MYL4: variants seen among roughly 807,000 people sequenced by gnomAD.
MYL4 encodes myosin light chain 4.
A neutral mutation model predicts 21.6 loss-of-function variants in MYL4; 16 were observed. The observed-to-expected ratio is 0.74, with a 90% confidence interval of 0.50 to 1.12. The LOEUF (loss-of-function observed/expected upper bound fraction) is 1.12. Ranked by LOEUF, MYL4 falls within the 50% of genes most tolerant of loss-of-function variation. The pLI is 0.00. For synonymous variants in MYL4, 82 were observed against 95.7 expected, an observed-to-expected ratio of 0.86 and a Z score of 0.83; for missense variants, 249 against 252.9, an observed-to-expected ratio of 0.98 and a Z score of 0.11.
the MYL4 span, among the ~76,000 whole-genome samples, chr17:47,191,118 G>T: frequency 1.3e-5 from 2 of 152,226 alleles, no homozygotes; most frequent in Admixed American, 1.3e-4. Flanking sequence ...GGTCCCTTAG[G>T]CCTAGGCCTG....
At chr17:47,218,841 A>C (rs761974030) in intron 2 of MYL4, among the ~76,000 whole-genome samples, 2 of 152,224 alleles carry the variant, frequency 1.3e-5, no homozygotes, top group Non-Finnish European at 2.9e-5. Flanking sequence ...AGGTTCTTTG[A>C]AAAAGGGACC....
At chr17:47,196,682 C>T (rs919422532), upstream of MYL4, among the ~76,000 whole-genome samples, 8 of 152,100 alleles carry the variant, frequency 5.3e-5, no homozygotes, top group African/African-American at 1.9e-4. Flanking sequence ...ATTCCTAGAC[C>T]TACCTAATTT....
At chr17:47,223,400 C>T (rs752094888) in intron 6 of MYL4, 109 bp from the exon 7 acceptor site, 2 of 254,328 alleles carry the variant, frequency 7.9e-6, no homozygotes, top group African/African-American at 2.2e-5. Context: ...CTCTTGACCC[C>T]GTTCTTCCTC....
At chr17:47,191,557 G>C in the MYL4 span, among the ~76,000 whole-genome samples, 1 of 151,984 alleles carries the variant, frequency 6.6e-6, no homozygotes, top group African/African-American at 2.4e-5. Context: ...TGCGTCCTCC[G>C]CCTCCGGGGT....
intron 4 of MYL4, 78 bp downstream of exon 4, chr17:47,221,933 TG>T: frequency 6.7e-7 from 1 of 1,501,302 alleles, no homozygotes; most frequent in Non-Finnish European, 9.0e-7. Flanking sequence ...ATATGCTGGT[TG>T]GGTGGGGGGT....
chr17:47,208,547 C>T (rs945144580), upstream of MYL4, among the ~76,000 whole-genome samples: 25 of 123,416 alleles, frequency 2.0e-4, no homozygotes, highest in Non-Finnish European at 3.7e-4. Flanking sequence ...TAGTAGTAAG[C>T]ACTACACACA....
intron 1 of MYL4, 132 bp from the exon 2 acceptor site, chr17:47,213,667 C>G: frequency 1.2e-6 from 1 of 861,542 alleles, no homozygotes; most frequent in East Asian, 2.4e-5. Context: ...AAGTCACCTT[C>G]CCTGCTTATC....
At chr17:47,195,052 C>CTTTT in the MYL4 span, among the ~76,000 whole-genome samples, 25 of 113,944 alleles carry the variant, frequency 2.2e-4, no homozygotes, top group African/African-American at 3.4e-4. Context: ...CTTCATGGAA[C>CTTTT]TTTTTTTTTT....
At chr17:47,210,394 G>A (rs1347878657) in intron 1 of MYL4, among the ~76,000 whole-genome samples, 1 of 152,186 alleles carries the variant, frequency 6.6e-6, no homozygotes, top group African/African-American at 2.4e-5. Flanking sequence ...AGAGGGGTGG[G>A]CTGAAGAGGG....
At position 47,221,853 on chromosome 17, in the gene MYL4, T is replaced by G; in HGVS notation, c.485T>G (p.Leu162Arg). 1.2e-6 allele frequency: 2 copies of G among 1,611,586 alleles called. No homozygotes were observed. Among genetic ancestry groups the G allele is most frequent in the Non-Finnish European group, 1.7e-6 (2 of 1,178,626 alleles). Reference protein sequence around the residue: ...GAELRHVLATLGEKMTEAEVE... With the variant: ...GAELRHVLATRGEKMTEAEVE... ...GAGCTTCGGCACGTCCTTGCCACCC[T>G]GGGTATGCCAGCTGGGCAGAGATGA... is the stretch of plus-strand genomic sequence containing the variant. The change falls in exon 4 of 7, where the codon CTG (leucine) becomes CGG (arginine). Residue 162 changes from leucine (L) to arginine (R), a missense_variant and splice_region_variant. Coordinates refer to ENST00000393450, the MANE Select transcript of MYL4 (RefSeq NM_002476.2).
At chr17:47,208,555 AC>A, upstream of MYL4, among the ~76,000 whole-genome samples, 1 of 71,620 alleles carries the variant, frequency 1.4e-5, no homozygotes, top group Non-Finnish European at 3.1e-5. Context: ...AGCACTACAC[AC>A]ACACACACAC....
upstream of MYL4, among the ~76,000 whole-genome samples, chr17:47,204,383 G>A (rs747311999): frequency 2.6e-5 from 4 of 152,132 alleles, no homozygotes; most frequent in African/African-American, 4.8e-5. Context: ...ACTCTTCTGC[G>A]GGTGATCTTG....
At chr17:47,205,514 C>T (rs983204222), upstream of MYL4, among the ~76,000 whole-genome samples, 4 of 152,170 alleles carry the variant, frequency 2.6e-5, no homozygotes, top group Non-Finnish European at 5.9e-5. Flanking sequence ...TGAAGCGTGG[C>T]GTCATGAATT....
At chr17:47,202,521 T>A (rs542372581) in intron 1 of MYL4, among the ~76,000 whole-genome samples, 2 of 152,352 alleles carry the variant, frequency 1.3e-5, no homozygotes, top group African/African-American at 4.8e-5. Context: ...CTGACAAAAC[T>A]ACTTCATATT....
upstream of MYL4, among the ~76,000 whole-genome samples, chr17:47,206,360 G>A (rs539302407): frequency 4.2e-4 from 64 of 152,244 alleles, no homozygotes; most frequent in African/African-American, 1.4e-3. Context: ...AGAAGAAAAG[G>A]AAAGAACAAC....
At chr17:47,193,424 C>T in the MYL4 span, among the ~76,000 whole-genome samples, 1 of 152,152 alleles carries the variant, frequency 6.6e-6, no homozygotes, top group Non-Finnish European at 1.5e-5. Flanking sequence ...TGCGCCACCA[C>T]ACCCAGCTAA....
At chr17:47,215,463 C>T (rs1598655677) in intron 2 of MYL4, among the ~76,000 whole-genome samples, 1 of 152,084 alleles carries the variant, frequency 6.6e-6, no homozygotes, top group Non-Finnish European at 1.5e-5. Flanking sequence ...AATTTTACCC[C>T]AGCGATCTTT....
chr17:47,190,290 GA>G, the MYL4 span, among the ~76,000 whole-genome samples: 1 of 151,650 alleles, frequency 6.6e-6, no homozygotes, highest in Admixed American at 6.6e-5. Context: ...CGCTTAGTTT[GA>G]AAAAAAAGGA....
the MYL4 span, among the ~76,000 whole-genome samples, chr17:47,192,493 C>CA: frequency 1.3e-5 from 2 of 149,820 alleles, 1 homozygote; most frequent in South Asian, 4.2e-4. Context: ...ACTAAAAATA[C>CA]AAAAAATTGG....
Sources: allele counts gnomAD v4.1 joint callset (sites outside exome capture counted in the v4.1 genomes callset), GRCh38; gene constraint gnomAD v4.1.1; transcripts MANE v1.5; gene names NCBI Gene and HGNC (gene_info 2026-07-23, HGNC 2026-07-21).